BASP1: variants seen among roughly 807,000 people sequenced by gnomAD.
BASP1 encodes the protein brain acid soluble protein 1.
A neutral mutation model predicts 2.2 loss-of-function variants in BASP1; 1 was observed. That is an observed-to-expected ratio of 0.46 (90% CI 0.16 to 2.17). The LOEUF is 2.17. BASP1 is among the 30% of genes most tolerant of loss of function. BASP1 has a pLI of 0.27. For missense variants in BASP1, 352 were observed against 327.2 expected, an observed-to-expected ratio of 1.08 and a Z score of -0.58; for synonymous variants, 187 against 154.2, an observed-to-expected ratio of 1.21 and a Z score of -1.58.
chr5:17,272,424 G>A (rs1740547703), intron 1 of BASP1, among the ~76,000 whole-genome samples: 1 of 152,158 alleles, frequency 6.6e-6, no homozygotes. Context: ...AACTCAGCTA[G>A]TAGGATTTCC....
intron 1 of BASP1, among the ~76,000 whole-genome samples, chr5:17,224,463 A>G (rs1739453930): frequency 7.6e-6 from 1 of 132,058 alleles, no homozygotes; most frequent in Non-Finnish European, 1.6e-5. Flanking sequence ...GGGGGGAAAA[A>G]AGGGGAAGGG....
At position 17,267,817 on chromosome 5, in the gene BASP1, CTTTTTTTTT is replaced by C. The variant is rs748938177; in HGVS notation, c.-9-7375_-9-7367del. Among the ~76,000 whole-genome samples the C allele has an allele frequency of 3.0e-4, 10 of 33,430 alleles. No homozygotes were observed. The East Asian group carries it at 3.5e-3, about 12-fold the overall frequency. 21.9% of individuals were successfully genotyped at this position (33,430 alleles called of 152,430 possible). A position where few individuals can be genotyped will look rare whatever the true frequency, so the allele number is the denominator to read the frequency against. On this transcript the variant is annotated intron_variant, in intron 1 of 1. Coordinates refer to ENST00000322611, the MANE Select transcript of BASP1 (RefSeq NM_006317.5). The stretch of plus-strand genomic sequence containing the variant: ...CAGGCGTGAGCCACCGCTCCCAGCC[CTTTTTTTTT>C]TTTTTTTTTTTTTTTGCTTTTTAAA...
chr5:17,270,732 T>C (rs1433166150), intron 1 of BASP1, among the ~76,000 whole-genome samples: 1 of 152,246 alleles, frequency 6.6e-6, no homozygotes, highest in Non-Finnish European at 1.5e-5. Context: ...CTAAGAATTT[T>C]CAAACTAAAT....
chr5:17,267,817 CTTTTTT>C (rs748938177), intron 1 of BASP1, among the ~76,000 whole-genome samples: 2 of 33,432 alleles, frequency 6.0e-5, no homozygotes, highest in South Asian at 4.0e-3. Flanking sequence ...GCTCCCAGCC[CTTTTTT>C]TTTTTTTTTT....
intron 1 of BASP1, among the ~76,000 whole-genome samples, chr5:17,226,243 A>T (rs1441521951): frequency 2.0e-5 from 3 of 152,242 alleles, no homozygotes; most frequent in Non-Finnish European, 2.9e-5. Context: ...TTGTCTTTTT[A>T]AAGAAAAGCT....
intron 1 of BASP1, among the ~76,000 whole-genome samples, chr5:17,256,626 T>C (rs1365352096): frequency 6.6e-6 from 1 of 152,246 alleles, no homozygotes; most frequent in African/African-American, 2.4e-5. Context: ...GCTTGTTTAA[T>C]GTCAGCAGCT....
At chr5:17,232,600 A>G (rs1350606631) in intron 1 of BASP1, among the ~76,000 whole-genome samples, 1 of 152,202 alleles carries the variant, frequency 6.6e-6, no homozygotes, top group East Asian at 1.9e-4. Context: ...GGCATGTTTC[A>G]TGGTCATGTG....
rs769211698 is a variant in BASP1 at position 17,275,684 on chromosome 5, T to A, written c.468T>A (p.Ala156=). 11 of 1,584,090 alleles carry A rather than the reference T, an allele frequency of 6.9e-6. No homozygotes were observed. In the African/African-American group the frequency reaches 1.4e-4, roughly 20 times the overall value. Residue 156 remains alanine (A), a synonymous_variant, in exon 2 of 2, where the codon GCT becomes GCA. Coordinates refer to ENST00000322611, the MANE Select transcript of BASP1 (RefSeq NM_006317.5). This position sits in a 1 kb window ranked among gnomAD's most constrained non-coding sequence, Gnocchi z 5.3. ...GEPKKTEAPA[A]PAAQETKSDG... is the part of the protein sequence containing the mutation. Reference sequence around the variant, plus strand: ...CCAAAAAGACTGAGGCGCCCGCAGCTCCTGCCGCCCAGGAGACCAAAAGTG... The same window carrying A: ...CCAAAAAGACTGAGGCGCCCGCAGCACCTGCCGCCCAGGAGACCAAAAGTG...
At chr5:17,217,519 C>T (rs1739278862), upstream of BASP1, 1 of 60,066 alleles carries the variant, frequency 1.7e-5, no homozygotes, top group Non-Finnish European at 3.2e-5. Flanking sequence ...GGGCGGGGAG[C>T]GCGGGAGGAG....
intron 1 of BASP1, among the ~76,000 whole-genome samples, chr5:17,271,278 C>T (rs531917089): frequency 6.6e-5 from 10 of 152,262 alleles, no homozygotes; most frequent in South Asian, 2.1e-4. Flanking sequence ...TGCACCACCA[C>T]GCCTGGCTAA....
intron 1 of BASP1, among the ~76,000 whole-genome samples, chr5:17,234,802 A>G (rs1447591901): frequency 6.6e-6 from 1 of 152,222 alleles, no homozygotes; most frequent in Non-Finnish European, 1.5e-5. Context: ...TACTACTCCG[A>G]TCAATTATAT....
chr5:17,247,662 C>A (rs1347177108), intron 1 of BASP1, among the ~76,000 whole-genome samples: 1 of 152,178 alleles, frequency 6.6e-6, no homozygotes, highest in African/African-American at 2.4e-5. Flanking sequence ...AGCACTTAGG[C>A]CTGCCTTTCA....
At chr5:17,235,998 A>G (rs541705709) in intron 1 of BASP1, among the ~76,000 whole-genome samples, 196 of 151,900 alleles carry the variant, frequency 1.3e-3, no homozygotes, top group Non-Finnish European at 2.3e-3. Context: ...GTGGCCCAAC[A>G]CCAGTTTGCA....
At chr5:17,249,055 T>C (rs1258171023) in intron 1 of BASP1, among the ~76,000 whole-genome samples, 1 of 152,230 alleles carries the variant, frequency 6.6e-6, no homozygotes, top group African/African-American at 2.4e-5. Context: ...CAAACACTTA[T>C]TAAAATCTAG....
chr5:17,272,927 C>T (rs1408285805), intron 1 of BASP1, among the ~76,000 whole-genome samples: 1 of 152,160 alleles, frequency 6.6e-6, no homozygotes, highest in African/African-American at 2.4e-5. Context: ...GAATTTCATG[C>T]TGTGGGTGTC....
intron 1 of BASP1, among the ~76,000 whole-genome samples, chr5:17,243,235 A>G (rs1439241573): frequency 6.6e-6 from 1 of 150,838 alleles, no homozygotes. Flanking sequence ...TGCAACCTCC[A>G]CTTTCTGGGT....
intron 1 of BASP1, among the ~76,000 whole-genome samples, chr5:17,252,597 C>T (rs1040483855): frequency 2.6e-5 from 4 of 152,108 alleles, no homozygotes; most frequent in Admixed American, 6.5e-5. Flanking sequence ...TGACCTGGTA[C>T]GTGCTGTGTA....
At chr5:17,241,247 G>A (rs1034750054) in intron 1 of BASP1, among the ~76,000 whole-genome samples, 2 of 151,946 alleles carry the variant, frequency 1.3e-5, no homozygotes, top group African/African-American at 4.8e-5. Flanking sequence ...TTATAGACAT[G>A]TACCACCAGT....
intron 1 of BASP1, among the ~76,000 whole-genome samples, chr5:17,218,453 A>C (rs1436164316): frequency 6.6e-6 from 1 of 151,982 alleles, no homozygotes; most frequent in Non-Finnish European, 1.5e-5. Flanking sequence ...ACTCAGAAGC[A>C]CCTCCCGAGC....
Sources: allele counts gnomAD v4.1 joint callset (sites outside exome capture counted in the v4.1 genomes callset), GRCh38; gene constraint gnomAD v4.1.1; non-coding constraint Gnocchi (gnomAD v3.1); transcripts MANE v1.5; gene names NCBI Gene and HGNC (gene_info 2026-07-23, HGNC 2026-07-21).